ABR: variants seen among roughly 807,000 people sequenced by gnomAD.
ABR encodes the protein active breakpoint cluster region-related protein.
A neutral mutation model predicts 107.2 loss-of-function variants in ABR; 35 were observed. The observed-to-expected ratio is 0.33, with a 90% confidence interval of 0.25 to 0.43. ABR has a LOEUF of 0.43. ABR is among the 20% of genes least tolerant of loss of function. ABR has a pLI of 1.00. For synonymous variants in ABR, 498 were observed against 462.0 expected (o/e 1.08, Z -1.00); for missense variants, 815 against 1,115.2 (o/e 0.73, Z 3.83).
At chr17:1,019,218 C>T (rs996007487) in intron 16 of ABR, among the ~76,000 whole-genome samples, 1 of 152,216 alleles carries the variant, frequency 6.6e-6, no homozygotes, top group Admixed American at 6.5e-5. Flanking sequence ...GATGCTAAGG[C>T]CCAGTTCTCG....
At chr17:1,058,134 A>ATTTT in intron 11 of ABR, 89 bp from the exon 12 acceptor site, 3 of 471,486 alleles carry the variant, frequency 6.4e-6, no homozygotes, top group East Asian at 4.2e-5. Flanking sequence ...AGCTCCTTTT[A>ATTTT]TCTTTTTTTT....
Position 1,205,447 on chromosome 17 carries a change from C to CG in ABR, c.838+23345dup, listed in dbSNP as rs199748144. Among the ~76,000 whole-genome samples the CG allele has an allele frequency of 1.6e-4, 24 of 152,086 alleles. No individual in the cohort carries two copies. The East Asian group carries it at 4.4e-3, about 28-fold the overall frequency. The stretch of plus-strand genomic sequence containing the variant: ...CTCCTTCTGGAGAGAGGAGTGGGGT[C>CG]GGGGGGAGAGGTGACAGGAAATGAC... On this transcript the variant is annotated intron_variant, in intron 1 of 22. Coordinates refer to the ABR transcript ENST00000574139.
At chr17:1,182,593 C>G (rs907948712), upstream of ABR, among the ~76,000 whole-genome samples, 3 of 152,174 alleles carry the variant, frequency 2.0e-5, no homozygotes, top group African/African-American at 7.2e-5. Context: ...ATCTTGATCT[C>G]CTGACCTCGT....
Position 1,013,110 on chromosome 17 carries a change from T to C in ABR, c.1846A>G (p.Asn616Asp). The part of the protein sequence containing the change: ...KNWHTDVIEM[N>D]GIKVEFSMKF... ...CATTCCCATCCCCGGCTCACCCCGT[T>C]CATCTCAATCACGTCCGTGTGCCAG... Residue 616 changes from asparagine (N) to aspartate (D), a missense_variant, in exon 17 of 23, where the codon AAC becomes GAC. Asn to Asp is a conservative substitution (Grantham distance 23). Transcript: ENST00000302538. 6.2e-7 allele frequency: 1 copy of C among 1,614,098 alleles called. No homozygotes were observed. Among genetic ancestry groups the C allele is most frequent in the Non-Finnish European group, 8.5e-7 (1 of 1,179,980 alleles).
rs1321990254 is a variant in ABR, at chr17:1,125,338, C to T, written c.91G>A (p.Gly31Arg). 15 of 1,613,900 alleles carry T rather than the reference C, an allele frequency of 9.3e-6. 1 individual carries two copies. The East Asian group carries it at 1.1e-4, about 12-fold the overall frequency. ...NFSYGTDEYD[G>R]EGNEEQKGPP... is the part of the protein sequence containing the mutation. The stretch of plus-strand genomic sequence containing the variant: ...CCCTTCTGCTCCTCATTCCCCTCTC[C>T]GTCGTACTCGTCCGTCCCGTAGCTG... Residue 31 changes from glycine (G) to arginine (R), a missense_variant, in exon 2 of 23, where the codon GGA becomes AGA. By Grantham distance (125) the Gly-to-Arg change is moderately radical (BLOSUM62 -2). Transcript: ENST00000302538.
At chr17:1,196,690 ACCTT>A (rs1431743882) in intron 1 of ABR, among the ~76,000 whole-genome samples, 3 of 138,360 alleles carry the variant, frequency 2.2e-5, no homozygotes, top group Non-Finnish European at 4.6e-5. Context: ...AGGAGATCCA[ACCTT>A]CCTTTTTTTT....
At chr17:1,056,176 C>T (rs1018303077) in intron 13 of ABR, 67 bp from the exon 14 acceptor site, 22 of 1,377,792 alleles carry the variant, frequency 1.6e-5, no homozygotes, top group Middle Eastern at 3.6e-4. Context: ...CACCCCAGGC[C>T]GGCGGGAGGC....
chr17:1,223,544 T>C (rs898688282), intron 1 of ABR, among the ~76,000 whole-genome samples: 7 of 152,152 alleles, frequency 4.6e-5, no homozygotes, highest in Non-Finnish European at 8.8e-5. Flanking sequence ...GGCAATGTTA[T>C]TGAAGTTCTC....
intron 7 of ABR, 54 bp downstream of exon 7, chr17:1,073,571 G>A (rs1323524990): frequency 1.8e-5 from 25 of 1,400,200 alleles, no homozygotes; most frequent in Non-Finnish European, 2.3e-5. Context: ...CCCAGGCTCA[G>A]TCTTCCACTG....
chr17:1,182,996 C>T (rs1418140040), upstream of ABR, among the ~76,000 whole-genome samples: 3 of 152,154 alleles, frequency 2.0e-5, no homozygotes, highest in African/African-American at 7.2e-5. Context: ...ACCTCCGCAT[C>T]CCTGGCACTG....
chr17:1,083,300 CTCTCT>C, intron 5 of ABR: 1 of 204,814 alleles, frequency 4.9e-6, no homozygotes, highest in Non-Finnish European at 9.4e-6. Context: ...TCCCCTGTTC[CTCTCT>C]CTAATCTGAA....
Position 1,179,135 on chromosome 17 carries a change from C to CA in ABR, c.61+531_61+532insT, listed in dbSNP as rs1264692833. Among the ~76,000 whole-genome samples, 3 of 151,304 alleles carry CA rather than the reference C, an allele frequency of 2.0e-5. No individual in the cohort carries two copies. Among genetic ancestry groups the CA allele is most frequent in the African/African-American group, 7.3e-5 (3 of 41,070 alleles). On this transcript the variant is annotated intron_variant, in intron 1 of 22. Coordinates refer to ENST00000302538, the MANE Select transcript of ABR (RefSeq NM_021962.5). The surrounding 1 kb of genome is among the most constrained non-coding windows in gnomAD (Gnocchi z 4.9). ...GGCCCCCGCGGATATCTGCACCCCC[C>CA]GTCTCCCCTCCCACCCGATCCCACC...
rs897698902 is a variant in ABR at position 1,148,052 on chromosome 17, G to A, written c.62-22685C>T. On this transcript the variant is annotated intron_variant, in intron 1 of 22. Transcript: ENST00000302538. The surrounding 1 kb of genome is among the most constrained non-coding windows in gnomAD (Gnocchi z 4.9). The stretch of plus-strand genomic sequence containing the variant: ...TCAATGACCCACCCACTCTCCCCAG[G>A]CTGGTCAATGGGCCCACCCCACGGT... 3.3e-5 allele frequency among the ~76,000 whole-genome samples: 5 copies of A among 152,180 alleles called. No homozygotes were observed. Among genetic ancestry groups the A allele is most frequent in the Non-Finnish European group, 7.3e-5 (5 of 68,038 alleles).
intron 1 of ABR, among the ~76,000 whole-genome samples, chr17:1,141,828 G>C (rs1479837928): frequency 6.7e-6 from 1 of 149,908 alleles, no homozygotes; most frequent in African/African-American, 2.5e-5. Flanking sequence ...GCACAATCTT[G>C]GCTCACTGCA....
At chr17:1,114,889 A>AAT (rs1567782774) in intron 2 of ABR, among the ~76,000 whole-genome samples, 1 of 152,196 alleles carries the variant, frequency 6.6e-6, no homozygotes, top group Non-Finnish European at 1.5e-5. Context: ...TCATTCAGCT[A>AAT]ATATTTACTG....
intron 1 of ABR, among the ~76,000 whole-genome samples, chr17:1,149,957 A>T (rs2040725213): frequency 1.3e-5 from 2 of 152,196 alleles, no homozygotes; most frequent in Admixed American, 6.5e-5. Context: ...CTTTTGTGAC[A>T]GTTGAATGAG....
rs1019907456 is a variant in ABR at position 1,084,069 on chromosome 17, C to A, written c.532-442G>T. Among the ~76,000 whole-genome samples, 12 of 152,338 alleles carry A rather than the reference C, an allele frequency of 7.9e-5. No individual in the cohort carries two copies. The highest frequency in any genetic ancestry group is 5.2e-4 in the Admixed American group (8 of 15,304). ...ACGTGTGGCCTGCTCAGGCCTCCCT[C>A]CCCACGTGCAGCGTGGGGAACGACA... On this transcript the variant is annotated intron_variant, in intron 4 of 22. Coordinates refer to ENST00000302538, the MANE Select transcript of ABR (RefSeq NM_021962.5). The surrounding 1 kb of genome is among the most constrained non-coding windows in gnomAD (Gnocchi z 4.2).
intron 1 of ABR, among the ~76,000 whole-genome samples, chr17:1,126,895 C>T (rs185437103): frequency 6.6e-6 from 1 of 152,236 alleles, no homozygotes; most frequent in Non-Finnish European, 1.5e-5. Context: ...AGCAGAGGAT[C>T]GCACCGTCTG....
At chr17:1,060,210 A>T (rs2033766885) in intron 10 of ABR, among the ~76,000 whole-genome samples, 2 of 152,184 alleles carry the variant, frequency 1.3e-5, no homozygotes, top group South Asian at 4.1e-4. Flanking sequence ...CAGGAGTTCG[A>T]GACCACCCTG....
Sources: gnomAD v4.1 joint callset for allele counts (sites outside exome capture counted in the v4.1 genomes callset) on GRCh38, gnomAD v4.1.1 for gene constraint, Gnocchi (gnomAD v3.1) non-coding constraint, MANE v1.5 for transcripts, NCBI Gene and HGNC (gene_info 2026-07-23, HGNC 2026-07-21) for gene names.